MGAT4A: variants seen among roughly 807,000 people sequenced by gnomAD.
MGAT4A encodes the protein alpha-1,3-mannosyl-glycoprotein 4-beta-N-acetylglucosaminyltransferase A, also known as N-acetylglucosaminyltransferase IVa.
In MGAT4A, 33 loss-of-function variants were observed where a neutral mutation model predicts 74.1. The observed-to-expected ratio is 0.45, with a 90% CI of 0.34 to 0.60. The LOEUF (loss-of-function observed/expected upper bound fraction) is 0.60, where lower values mean the gene tolerates loss of function less well. Ranked by LOEUF, MGAT4A falls within the 20% of genes least tolerant of loss-of-function variation. The pLI is 0.02. For missense variants in MGAT4A, 479 were observed against 628.3 expected (o/e 0.76, Z 2.54); for synonymous variants, 198 against 210.4 (o/e 0.94, Z 0.51).
At chr2:98,638,583 T>C (rs1701358483) in intron 12 of MGAT4A, among the ~76,000 whole-genome samples, 1 of 152,216 alleles carries the variant, frequency 6.6e-6, no homozygotes, top group Admixed American at 6.5e-5. Context: ...GTAAACAATA[T>C]CTCAAAGTGC....
At chr2:98,626,804 T>C (rs1015739857) in intron 14 of MGAT4A, among the ~76,000 whole-genome samples, 7 of 152,210 alleles carry the variant, frequency 4.6e-5, no homozygotes, top group African/African-American at 1.7e-4. Flanking sequence ...TAATCAAAAC[T>C]GACTGCAAAT....
chr2:98,710,655 C>T (rs1435430640), intron 2 of MGAT4A, among the ~76,000 whole-genome samples: 2 of 151,922 alleles, frequency 1.3e-5, no homozygotes, highest in Non-Finnish European at 2.9e-5. Flanking sequence ...AGATGGGGGG[C>T]GGGGAGGCGG....
chr2:98,658,060 T>A (rs1483988472), intron 6 of MGAT4A, among the ~76,000 whole-genome samples, 158 bp downstream of exon 6: 1 of 152,188 alleles, frequency 6.6e-6, no homozygotes, highest in Non-Finnish European at 1.5e-5. Context: ...TATATGCACC[T>A]ACTTTGGGAC....
At chr2:98,716,116 C>T (rs1198561404) in intron 2 of MGAT4A, among the ~76,000 whole-genome samples, 5 of 151,534 alleles carry the variant, frequency 3.3e-5, no homozygotes, top group African/African-American at 7.3e-5. Context: ...CCCAGGAGTT[C>T]GAGACCAGCC....
chr2:98,658,148 C>A, intron 6 of MGAT4A, 70 bp downstream of exon 6: 1 of 987,984 alleles, frequency 1.0e-6, no homozygotes, highest in East Asian at 2.5e-5. Context: ...AAGGCATTTT[C>A]TTTTAGCAAG....
At chr2:98,708,963 C>T (rs1702477651) in intron 2 of MGAT4A, among the ~76,000 whole-genome samples, 2 of 152,212 alleles carry the variant, frequency 1.3e-5, no homozygotes, top group Non-Finnish European at 2.9e-5. Flanking sequence ...GAGAACACGG[C>T]TCTACTGCCC....
At position 98,656,338 on chromosome 2, in the gene MGAT4A, C is replaced by A. The variant is rs574140437; in HGVS notation, c.698+14G>T. ...ACTCACAAGTGTGGAGGATTTTAAA[C>A]GGCACATGCTCACCTTACTCTTTCT... On this transcript the variant is annotated intron_variant, in intron 7 of 15. Transcript: ENST00000393487. 6.7e-7 allele frequency: 1 copy of A among 1,490,904 alleles called. No individual in the cohort carries two copies. Among genetic ancestry groups the A allele is most frequent in the African/African-American group, 1.4e-5 (1 of 71,984 alleles). The allele number at this position is 1,490,904 out of a possible 1,614,324, so 92.4% of individuals were successfully genotyped here.
chr2:98,676,116 A>C (rs1701973961), intron 3 of MGAT4A, among the ~76,000 whole-genome samples: 1 of 152,220 alleles, frequency 6.6e-6, no homozygotes, highest in Admixed American at 6.5e-5. Flanking sequence ...ATTTCATTAA[A>C]TTTGAATTTA....
intron 2 of MGAT4A, among the ~76,000 whole-genome samples, chr2:98,705,474 C>T (rs929066828): frequency 3.9e-5 from 6 of 152,176 alleles, no homozygotes; most frequent in Non-Finnish European, 7.4e-5. Flanking sequence ...TTCCAATTTA[C>T]AACTGTTACC....
At chr2:98,718,384 T>C (rs1702618649) in intron 2 of MGAT4A, among the ~76,000 whole-genome samples, 1 of 152,184 alleles carries the variant, frequency 6.6e-6, no homozygotes, top group African/African-American at 2.4e-5. Flanking sequence ...GTGAAACTAG[T>C]GAAAATTATT....
intron 2 of MGAT4A, among the ~76,000 whole-genome samples, chr2:98,701,720 T>C (rs2104314878): frequency 6.6e-6 from 1 of 152,334 alleles, no homozygotes; most frequent in Middle Eastern, 3.4e-3. Context: ...TGCTGACCAA[T>C]TTGGCAGAGG....
rs201226698 is a variant in MGAT4A, at chr2:98,726,382, G to A, written c.-50C>T. The stretch of plus-strand genomic sequence containing the variant: ...ATATGTTTATGATGACAACAACCAG[G>A]ACTGTTTTCTTTTTACCCTGAAAGT... On this transcript the variant is annotated 5_prime_UTR_variant, in exon 2 of 16. Coordinates refer to ENST00000393487, the MANE Select transcript of MGAT4A (RefSeq NM_012214.3). 5.3e-5 allele frequency: 80 copies of A among 1,520,796 alleles called. No individual in the cohort carries two copies. Among genetic ancestry groups the A allele is most frequent in the Non-Finnish European group, 7.3e-5 (80 of 1,102,790 alleles). The allele number at this position is 1,520,796 out of a possible 1,614,324, so 94.2% of individuals were successfully genotyped here. A position where few individuals can be genotyped will look rare whatever the true frequency, so the allele number is the denominator to read the frequency against.
intron 2 of MGAT4A, among the ~76,000 whole-genome samples, chr2:98,719,772 C>T (rs1702640359): frequency 6.6e-6 from 1 of 152,138 alleles, no homozygotes; most frequent in African/African-American, 2.4e-5. Flanking sequence ...CTCAGCCTCC[C>T]CAGTAGCTGG....
chr2:98,703,406 G>C (rs569877017), intron 2 of MGAT4A, among the ~76,000 whole-genome samples: 2 of 152,242 alleles, frequency 1.3e-5, no homozygotes, highest in African/African-American at 4.8e-5. Context: ...ACTGAACAGA[G>C]AGGCCCCAGA....
At chr2:98,703,728 T>TA (rs1165872305) in intron 2 of MGAT4A, among the ~76,000 whole-genome samples, 1 of 152,046 alleles carries the variant, frequency 6.6e-6, no homozygotes, top group Non-Finnish European at 1.5e-5. Flanking sequence ...TCCCTACCCC[T>TA]AACAGTGCTT....
intron 2 of MGAT4A, among the ~76,000 whole-genome samples, chr2:98,718,596 G>A (rs1702621261): frequency 6.6e-6 from 1 of 152,142 alleles, no homozygotes; most frequent in African/African-American, 2.4e-5. Flanking sequence ...AGAACACAGG[G>A]CTCCCTTTGC....
intron 13 of MGAT4A, among the ~76,000 whole-genome samples, 176 bp from the exon 14 acceptor site, chr2:98,635,464 T>C (rs1701305686): frequency 6.6e-6 from 1 of 152,240 alleles, no homozygotes; most frequent in South Asian, 2.1e-4. Flanking sequence ...AAAGATGTTT[T>C]CTTAAGCCAT....
intron 2 of MGAT4A, among the ~76,000 whole-genome samples, chr2:98,709,202 G>A (rs149646275): frequency 3.3e-5 from 5 of 152,078 alleles, no homozygotes; most frequent in African/African-American, 7.2e-5. Flanking sequence ...AGAAAAAGGC[G>A]GTCTACAAAG....
intron 8 of MGAT4A, 26 bp from the exon 9 acceptor site, chr2:98,645,568 A>C: frequency 6.9e-7 from 1 of 1,446,188 alleles, no homozygotes; most frequent in Non-Finnish European, 9.3e-7. Flanking sequence ...CAATCATATT[A>C]ATACATCAAA....
Sources: gnomAD v4.1 joint callset for allele counts (sites outside exome capture counted in the v4.1 genomes callset) on GRCh38, gnomAD v4.1.1 for gene constraint, MANE v1.5 for transcripts, NCBI Gene and HGNC (gene_info 2026-07-23, HGNC 2026-07-21) for gene names.